Variants in AFF3 observed in about 807,000 individuals in gnomAD.
AFF3 encodes the protein ALF transcription elongation factor 3.
AFF3 carries 32 observed loss-of-function variants against 129.7 expected under a neutral mutation model. That is an observed-to-expected ratio of 0.25 (90% confidence interval 0.19 to 0.33). The LOEUF (loss-of-function observed/expected upper bound fraction) is 0.33, where lower values mean the gene tolerates loss of function less well. Ranked by LOEUF, AFF3 falls within the 10% of genes least tolerant of loss-of-function variation. The probability of loss-of-function intolerance (pLI) is 1.00; values close to 1 mark genes in which losing one functional copy is unlikely to be tolerated. For synonymous variants in AFF3, 644 were observed against 635.4 expected, an observed-to-expected ratio of 1.01 and a Z score of -0.20; for missense variants, 1,373 against 1,592.0, an observed-to-expected ratio of 0.86 and a Z score of 2.34.
At chr2:99,831,063 T>A (rs979916085) in intron 8 of AFF3, among the ~76,000 whole-genome samples, 3 of 152,138 alleles carry the variant, frequency 2.0e-5, no homozygotes, top group Non-Finnish European at 1.5e-5. Flanking sequence ...AGGGCACATC[T>A]TTGGGATGTG....
chr2:99,651,355 T>TC (rs1685233925), intron 12 of AFF3, among the ~76,000 whole-genome samples: 1 of 151,758 alleles, frequency 6.6e-6, no homozygotes, highest in South Asian at 2.1e-4. Flanking sequence ...ACTGGGGAGG[T>TC]CAGTAGACCA....
chr2:99,977,279 G>C lies in AFF3; in HGVS notation c.873+29353C>G, dbSNP rs182213928. Among the ~76,000 whole-genome samples the C allele has an allele frequency of 2.9e-4, 44 of 152,218 alleles. No homozygotes were observed. In the Middle Eastern group the frequency reaches 0.02, roughly 71 times the overall value. On this transcript the variant is annotated intron_variant, in intron 7 of 24. Transcript: ENST00000672756. ...TCTAGAGAGTCATCTCTCCAATGCTGGGTAGCAGTCTATCAATCGCTCTCA... is the reference window on the plus strand; with the variant it reads ...TCTAGAGAGTCATCTCTCCAATGCTCGGTAGCAGTCTATCAATCGCTCTCA...
chr2:99,921,016 T>C (rs1695821676), intron 7 of AFF3, among the ~76,000 whole-genome samples: 1 of 152,084 alleles, frequency 6.6e-6, no homozygotes, highest in African/African-American at 2.4e-5. Context: ...CATGCATGCA[T>C]GAATTGGAAG....
At chr2:99,756,168 AAT>A (rs1682082643) in intron 8 of AFF3, among the ~76,000 whole-genome samples, 2 of 152,212 alleles carry the variant, frequency 1.3e-5, no homozygotes, top group South Asian at 2.1e-4. Flanking sequence ...AAATCAGCCT[AAT>A]GGCTCCCTCC....
At chr2:100,111,584 T>C (rs1274678427) in intron 2 of AFF3, among the ~76,000 whole-genome samples, 2 of 152,128 alleles carry the variant, frequency 1.3e-5, no homozygotes, top group African/African-American at 4.8e-5. Flanking sequence ...CGAAAAACAG[T>C]GTAGGAATAA....
chr2:100,118,533 A>G (rs139396524), intron 2 of AFF3, among the ~76,000 whole-genome samples: 1 of 152,330 alleles, frequency 6.6e-6, no homozygotes, highest in Non-Finnish European at 1.5e-5. Context: ...GCACTCATCA[A>G]ATAGCATCTA....
rs1248729862 is a variant in AFF3 at position 99,593,749 on chromosome 2, G to A, written c.1912C>T (p.Arg638Cys). The change falls in exon 15 of 25, where the codon CGC becomes TGC. Residue 638 changes from arginine (R) to cysteine (C), a missense_variant. Around this residue, in one of 9 missense-constraint regions of AFF3, gnomAD observed 466 missense variants for 505.0 expected, o/e 0.92. Transcript: ENST00000672756. ...GTCACGGAGGAGCGCAGCTCCTTGC[G>A]GTGGCTCGCTCTGTTGTTGCCACAG... ...RPCGNNRASH[R>C]KELRSSVTCE... The A allele has an allele frequency of 6.2e-7, 1 of 1,612,884 alleles. No individual in the cohort carries two copies. The highest frequency in any genetic ancestry group is 8.5e-7 in the Non-Finnish European group (1 of 1,179,918).
chr2:100,000,719 G>A (rs896322765), intron 7 of AFF3, among the ~76,000 whole-genome samples: 3 of 152,130 alleles, frequency 2.0e-5, no homozygotes, highest in Non-Finnish European at 2.9e-5. Context: ...TGCCAAGCAG[G>A]TATCATTATC....
chr2:99,721,577 T>C (rs996484316), intron 11 of AFF3, among the ~76,000 whole-genome samples: 3 of 152,168 alleles, frequency 2.0e-5, no homozygotes, highest in Admixed American at 2.0e-4. Flanking sequence ...GTTCTTCCTT[T>C]TTCTCTTTTG....
At position 99,718,876 on chromosome 2, in the gene AFF3, G is replaced by A. The variant is rs573538517; in HGVS notation, c.1091+8201C>T. On this transcript the variant is annotated intron_variant, in intron 11 of 24. Coordinates refer to ENST00000672756, the MANE Select transcript of AFF3 (RefSeq NM_001386135.1). ...TGCCATTCTCCTGCCTCAGCCTCCCGAGTAGCTGGGACTACAGGTGCCCGC... is the reference window on the plus strand; with the variant it reads ...TGCCATTCTCCTGCCTCAGCCTCCCAAGTAGCTGGGACTACAGGTGCCCGC... Among the ~76,000 whole-genome samples the A allele has an allele frequency of 2.4e-4, 37 of 151,214 alleles. No homozygotes were observed. In the South Asian group the frequency reaches 6.3e-3, roughly 26 times the overall value.
intron 22 of AFF3, among the ~76,000 whole-genome samples, chr2:99,557,460 C>T (rs1675042404): frequency 1.3e-5 from 2 of 152,154 alleles, no homozygotes; most frequent in African/African-American, 4.8e-5. Flanking sequence ...TCTACCCATT[C>T]TGTATGTATT....
intron 7 of AFF3, among the ~76,000 whole-genome samples, chr2:99,939,733 T>A (rs113642079): frequency 6.6e-6 from 1 of 152,236 alleles, no homozygotes; most frequent in Non-Finnish European, 1.5e-5. Flanking sequence ...GCATCTGATA[T>A]TCTGACTACT....
chr2:99,720,499 T>C (rs1678792869), intron 11 of AFF3, among the ~76,000 whole-genome samples: 1 of 152,210 alleles, frequency 6.6e-6, no homozygotes, highest in South Asian at 2.1e-4. Context: ...GCCAAGCAGA[T>C]GCTGATGCCC....
chr2:100,037,431 T>C (rs1249605358), intron 4 of AFF3, among the ~76,000 whole-genome samples: 3 of 131,054 alleles, frequency 2.3e-5, no homozygotes, highest in African/African-American at 8.5e-5. Context: ...TATATAAATA[T>C]ATATTTATAT....
chr2:99,974,673 C>T (rs183524017), intron 7 of AFF3, among the ~76,000 whole-genome samples: 189 of 152,336 alleles, frequency 1.2e-3, no homozygotes, highest in Middle Eastern at 0.01. Flanking sequence ...GTTCCCGCAG[C>T]AGTGAAGGGT....
intron 7 of AFF3, among the ~76,000 whole-genome samples, chr2:99,907,535 T>C (rs892484401): frequency 2.0e-5 from 3 of 151,812 alleles, no homozygotes; most frequent in African/African-American, 4.9e-5. Flanking sequence ...GTGGAGCTTT[T>C]ACTATTCTTT....
chr2:100,129,513 G>A (rs1232588349), intron 1 of AFF3, among the ~76,000 whole-genome samples: 3 of 152,000 alleles, frequency 2.0e-5, no homozygotes, highest in African/African-American at 7.3e-5. Context: ...AAAGGGGCCT[G>A]TGTTACATGC....
intron 4 of AFF3, among the ~76,000 whole-genome samples, chr2:100,035,183 T>C (rs1684805252): frequency 1.3e-5 from 2 of 152,244 alleles, no homozygotes; most frequent in Non-Finnish European, 2.9e-5. Context: ...TGGCACATGC[T>C]TTGAAGACGC....
intron 13 of AFF3, among the ~76,000 whole-genome samples, chr2:99,647,147 T>C (rs1007397050): frequency 3.3e-5 from 5 of 152,228 alleles, no homozygotes; most frequent in Non-Finnish European, 7.3e-5. Context: ...ATCCCATTAA[T>C]GGGTATATAC....
Sources: gnomAD v4.1 joint callset for allele counts (sites outside exome capture counted in the v4.1 genomes callset) on GRCh38, gnomAD v4.1.1 for gene constraint, gnomAD v4.1.1 regional missense constraint, MANE v1.5 for transcripts, NCBI Gene and HGNC (gene_info 2026-07-23, HGNC 2026-07-21) for gene names.